SULT2B1: variants seen among roughly 807,000 people sequenced by gnomAD.
SULT2B1 encodes the protein sulfotransferase family 2B member 1, also known as sulfotransferase 2B1.
A neutral mutation model predicts 33.2 loss-of-function variants in SULT2B1; 16 were observed. The observed-to-expected ratio is 0.48, with a 90% CI of 0.33 to 0.73. The LOEUF (loss-of-function observed/expected upper bound fraction) is 0.73, where lower values mean the gene tolerates loss of function less well. SULT2B1 is among the 30% of genes least tolerant of loss of function. SULT2B1 has a pLI of 0.02. For missense variants in SULT2B1, 500 were observed against 506.0 expected, an observed-to-expected ratio of 0.99 and a Z score of 0.11; for synonymous variants, 186 against 200.5, an observed-to-expected ratio of 0.93 and a Z score of 0.61.
chr19:48,583,166 A>G (rs1973517073), intron 2 of SULT2B1, among the ~76,000 whole-genome samples: 1 of 141,154 alleles, frequency 7.1e-6, no homozygotes, highest in Non-Finnish European at 1.5e-5. Context: ...ATAAAAAATA[A>G]AAGAAAAAAC....
chr19:48,567,960 G>T (rs185481597), intron 1 of SULT2B1, among the ~76,000 whole-genome samples: 1 of 151,646 alleles, frequency 6.6e-6, no homozygotes, highest in Admixed American at 6.6e-5. Context: ...GAGCAACAGA[G>T]CAAGGCCCTG....
At chr19:48,587,494 G>A in intron 3 of SULT2B1, 57 bp downstream of exon 3, 1 of 1,575,518 alleles carries the variant, frequency 6.3e-7, no homozygotes, top group Non-Finnish European at 8.7e-7. Flanking sequence ...ATGGGGTAAT[G>A]GGGGGACGGA....
intron 2 of SULT2B1, among the ~76,000 whole-genome samples, chr19:48,579,179 T>C (rs925750579): frequency 2.6e-5 from 4 of 152,318 alleles, no homozygotes; most frequent in African/African-American, 9.6e-5. Flanking sequence ...TTTTATGTTA[T>C]GTATAAACTA....
In SULT2B1 at chr19:48,583,012, G is replaced by A. The variant is rs923406321; in HGVS notation, c.215-4217G>A. ...TACAAAAAAAAAAAATTAGCCAGGCGTGGTCGTGCATGCCTGTAGTCCCAG... is the reference window on the plus strand; with the variant it reads ...TACAAAAAAAAAAAATTAGCCAGGCATGGTCGTGCATGCCTGTAGTCCCAG... On this transcript the variant is annotated intron_variant, in intron 2 of 6. Transcript: ENST00000201586. Among the ~76,000 whole-genome samples the A allele has an allele frequency of 4.8e-5, 7 of 146,998 alleles. 1 individual carries two copies. The highest frequency in any genetic ancestry group is 1.1e-4 in the African/African-American group (4 of 37,940).
chr19:48,560,785 A>C (rs781761582), intron 1 of SULT2B1, among the ~76,000 whole-genome samples: 7 of 150,998 alleles, frequency 4.6e-5, no homozygotes, highest in Non-Finnish European at 8.9e-5. Context: ...ACATGGTGAA[A>C]CCCCATCTCT....
At position 48,599,416 on chromosome 19, in the gene SULT2B1, C is replaced by T; in HGVS notation, c.*10C>T. ...CCCACGACCCTCATAATAAACACGT[C>T]GATTCTGTCCAGGTTCCTTGATGCG... On this transcript the variant is annotated 3_prime_UTR_variant, in exon 7 of 7. Transcript: ENST00000201586. This position sits in a 1 kb window ranked among gnomAD's most constrained non-coding sequence, Gnocchi z 4.1. The T allele has an allele frequency of 6.5e-6, 10 of 1,549,546 alleles. No individual in the cohort carries two copies. Among genetic ancestry groups the T allele is most frequent in the Non-Finnish European group, 8.7e-6 (10 of 1,146,816 alleles).
At chr19:48,557,944 T>A (rs897829929) in intron 1 of SULT2B1, among the ~76,000 whole-genome samples, 5 of 151,696 alleles carry the variant, frequency 3.3e-5, no homozygotes, top group African/African-American at 1.2e-4. Flanking sequence ...ATTAAAAAAA[T>A]TAAAAAAAAT....
intron 1 of SULT2B1, among the ~76,000 whole-genome samples, chr19:48,567,616 T>C (rs944171428): frequency 2.6e-5 from 4 of 151,974 alleles, no homozygotes; most frequent in Non-Finnish European, 5.9e-5. Flanking sequence ...AGGAAGGACA[T>C]AGCACAGGGA....
intron 6 of SULT2B1, 106 bp downstream of exon 6, chr19:48,597,025 A>G: frequency 1.6e-6 from 2 of 1,239,558 alleles, no homozygotes; most frequent in Middle Eastern, 2.8e-4. Flanking sequence ...CAGCTGTAAC[A>G]TTGGGTGAAC....
intron 5 of SULT2B1, chr19:48,596,440 T>G: frequency 6.3e-6 from 1 of 158,814 alleles, no homozygotes. Flanking sequence ...CCCCCCACTG[T>G]GACCTCTGCC....
intron 1 of SULT2B1, among the ~76,000 whole-genome samples, chr19:48,573,307 G>A (rs981262469): frequency 6.6e-6 from 1 of 152,006 alleles, no homozygotes; most frequent in Admixed American, 6.6e-5. Flanking sequence ...CTGGCCTCTC[G>A]CTGGCTTAAT....
intron 4 of SULT2B1, 126 bp downstream of exon 4, chr19:48,591,861 T>C: frequency 8.5e-7 from 1 of 1,177,198 alleles, no homozygotes; most frequent in South Asian, 1.7e-5. Context: ...AAAGGGGCAA[T>C]AGAGACAGAG....
intron 1 of SULT2B1, among the ~76,000 whole-genome samples, chr19:48,566,083 C>T (rs954382944): frequency 1.3e-5 from 2 of 151,746 alleles, no homozygotes; most frequent in East Asian, 1.9e-4. Flanking sequence ...CAGCTATTTT[C>T]GTATTTTTAG....
At chr19:48,593,691 A>G (rs1465817319) in intron 5 of SULT2B1, among the ~76,000 whole-genome samples, 1 of 150,892 alleles carries the variant, frequency 6.6e-6, no homozygotes, top group African/African-American at 2.4e-5. Flanking sequence ...ATGGAGTGCA[A>G]TGGCATGATC....
chr19:48,569,361 A>AT (rs1306751025), intron 1 of SULT2B1, among the ~76,000 whole-genome samples: 2 of 9,968 alleles, frequency 2.0e-4, no homozygotes, highest in African/African-American at 9.7e-4. Flanking sequence ...AAAAAAAAAA[A>AT]ACATATATAT....
chr19:48,552,600 G>T lies in SULT2B1; in HGVS notation c.71+277G>T, dbSNP rs759396029. ...CTCAGTTTTTCTGTCTGTCAAAGGGGCCCACAAGCCCTGTGTCTCCCTGAT... is the reference window on the plus strand; with the variant it reads ...CTCAGTTTTTCTGTCTGTCAAAGGGTCCCACAAGCCCTGTGTCTCCCTGAT... On this transcript the variant is annotated intron_variant, in intron 1 of 6. Transcript: ENST00000201586. The surrounding 1 kb of genome is among the most constrained non-coding windows in gnomAD (Gnocchi z 4.8). Among the ~76,000 whole-genome samples, 1 of 152,152 alleles carries T rather than the reference G, an allele frequency of 6.6e-6. No homozygotes were observed. Among genetic ancestry groups the T allele is most frequent in the Non-Finnish European group, 1.5e-5 (1 of 68,028 alleles).
chr19:48,555,588 C>CTCTCTCTCTCTCTCTCTT (rs1568401493), intron 1 of SULT2B1, among the ~76,000 whole-genome samples: 1 of 141,660 alleles, frequency 7.1e-6, no homozygotes, highest in Non-Finnish European at 1.5e-5. Flanking sequence ...CTCTCTCTCT[C>CTCTCTCTCTCTCTCTCTT]TTTTGAGACA....
chr19:48,575,927 C>G lies in SULT2B1; in HGVS notation c.72-14C>G, dbSNP rs765917627. On this transcript the variant is annotated splice_polypyrimidine_tract_variant and intron_variant, in intron 1 of 6. Coordinates refer to ENST00000201586, the MANE Select transcript of SULT2B1 (RefSeq NM_177973.2). Reference sequence around the variant, plus strand: ...CCTACTCTCCCTCATGGCGTCTCCCCCACCTTTCCACAGCCAGAAGTTGCC... The same window carrying G: ...CCTACTCTCCCTCATGGCGTCTCCCGCACCTTTCCACAGCCAGAAGTTGCC... 5.0e-6 allele frequency: 8 copies of G among 1,609,142 alleles called. No homozygotes were observed. The East Asian group carries it at 1.8e-4, about 36-fold the overall frequency.
At chr19:48,582,406 T>C (rs1973504608) in intron 2 of SULT2B1, among the ~76,000 whole-genome samples, 1 of 152,174 alleles carries the variant, frequency 6.6e-6, no homozygotes, top group Non-Finnish European at 1.5e-5. Context: ...ATGTAAACTT[T>C]AAACACAATG....
Sources: gnomAD v4.1 joint callset for allele counts (sites outside exome capture counted in the v4.1 genomes callset) on GRCh38, gnomAD v4.1.1 for gene constraint, Gnocchi (gnomAD v3.1) non-coding constraint, MANE v1.5 for transcripts, NCBI Gene and HGNC (gene_info 2026-07-23, HGNC 2026-07-21) for gene names.